Variants in PCDH15 observed in about 807,000 individuals in gnomAD.
PCDH15 encodes the protein protocadherin related 15.
PCDH15 carries 129 observed loss-of-function variants against 178.5 expected under a neutral mutation model. The ratio of observed to expected loss-of-function variants is 0.72; its 90% CI spans 0.63 to 0.84. The LOEUF (loss-of-function observed/expected upper bound fraction) is 0.84. Ranked by LOEUF, PCDH15 falls within the 40% of genes least tolerant of loss-of-function variation. PCDH15 has a pLI of 0.00. For missense variants in PCDH15, 2,230 were observed against 2,099.9 expected (o/e 1.06, Z -1.21); for synonymous variants, 800 against 732.0 (o/e 1.09, Z -1.50).
chr10:54,417,148 C>T (rs56284055), intron 3 of PCDH15, among the ~76,000 whole-genome samples: 5 of 152,054 alleles, frequency 3.3e-5, no homozygotes, highest in Admixed American at 6.6e-5. Flanking sequence ...CCTTAGTCTC[C>T]CAAGGTGCTG....
At chr10:54,149,557 T>C (rs1352701263) in intron 14 of PCDH15, among the ~76,000 whole-genome samples, 2 of 152,092 alleles carry the variant, frequency 1.3e-5, no homozygotes, top group African/African-American at 2.4e-5. Flanking sequence ...CAGAGTTGAG[T>C]AGGAGATGAA....
chr10:53,804,749 A>G lies in PCDH15; in HGVS notation c.*1830T>C, dbSNP rs114857010. 4.3e-4 allele frequency: 65 copies of G among 152,114 alleles called. No individual in the cohort carries two copies. Among genetic ancestry groups the G allele is most frequent in the African/African-American group, 1.3e-3 (55 of 41,544 alleles). 9.4% of individuals were successfully genotyped at this position (152,114 alleles called of 1,614,324 possible). A position where few individuals can be genotyped will look rare whatever the true frequency, so the allele number is the denominator to read the frequency against. On this transcript the variant is annotated 3_prime_UTR_variant, in exon 38 of 38. Transcript: ENST00000644397. ...CTAATTCCTATACAAAGTATCCTAT[A>G]CTAAAAACCATTGCTTTGGTGCCTG...
chr10:54,525,344 C>T (rs1158051691), intron 3 of PCDH15, among the ~76,000 whole-genome samples: 1 of 152,168 alleles, frequency 6.6e-6, no homozygotes, highest in East Asian at 1.9e-4. Flanking sequence ...AAAATGAGTG[C>T]TCATCATTCT....
At chr10:55,402,969 T>C (rs919345012) in intron 2 of PCDH15, among the ~76,000 whole-genome samples, 1 of 152,046 alleles carries the variant, frequency 6.6e-6, no homozygotes, top group Non-Finnish European at 1.5e-5. Context: ...CTCCACATCC[T>C]TGCCAGCGTT....
At chr10:54,661,303 A>G (rs1229353208) in intron 2 of PCDH15, among the ~76,000 whole-genome samples, 1 of 152,030 alleles carries the variant, frequency 6.6e-6, no homozygotes, top group Non-Finnish European at 1.5e-5. Flanking sequence ...TAATAGACAC[A>G]AAAAATAAAA....
chr10:54,764,898 T>G (rs1948326479), intron 1 of PCDH15, among the ~76,000 whole-genome samples: 1 of 152,152 alleles, frequency 6.6e-6, no homozygotes, highest in Non-Finnish European at 1.5e-5. Flanking sequence ...TCTTGCTTAT[T>G]TTTCATTAGA....
chr10:55,204,969 A>G (rs1591988109), intron 1 of PCDH15, among the ~76,000 whole-genome samples: 1 of 152,076 alleles, frequency 6.6e-6, no homozygotes, highest in African/African-American at 2.4e-5. Flanking sequence ...TAATGCCAAC[A>G]GATTTTTCTA....
chr10:55,105,560 A>T (rs1842655850), intron 2 of PCDH15, among the ~76,000 whole-genome samples: 1 of 152,174 alleles, frequency 6.6e-6, no homozygotes, highest in African/African-American at 2.4e-5. Context: ...ATTTAATATT[A>T]CAGGAGGAGG....
chr10:54,945,754 C>A (rs1838183245), intron 2 of PCDH15, among the ~76,000 whole-genome samples: 1 of 151,650 alleles, frequency 6.6e-6, no homozygotes, highest in Non-Finnish European at 1.5e-5. Flanking sequence ...AAGGCTCAAT[C>A]TTACCTCATC....
intron 1 of PCDH15, among the ~76,000 whole-genome samples, chr10:54,685,325 G>A (rs966855767): frequency 1.3e-5 from 2 of 152,126 alleles, no homozygotes; most frequent in African/African-American, 4.8e-5. Context: ...TTACAGTATT[G>A]TAAATACATA....
chr10:54,118,376 C>A (rs2095153022), intron 15 of PCDH15, among the ~76,000 whole-genome samples: 2 of 152,054 alleles, frequency 1.3e-5, no homozygotes, highest in South Asian at 4.1e-4. Flanking sequence ...AAAAAAGTAA[C>A]CCGGCTGGGT....
At chr10:53,903,674 G>A (rs144561427) in intron 25 of PCDH15, among the ~76,000 whole-genome samples, 1 of 152,092 alleles carries the variant, frequency 6.6e-6, no homozygotes, top group Admixed American at 6.5e-5. Flanking sequence ...TACTGTTCAC[G>A]TTCACAAACA....
At chr10:55,557,911 A>G (rs1842122497) in intron 2 of PCDH15, among the ~76,000 whole-genome samples, 1 of 152,142 alleles carries the variant, frequency 6.6e-6, no homozygotes. Context: ...GAGAAAGAGC[A>G]TTGGGGAAAA....
Position 53,806,601 on chromosome 10 carries a change from T to A in PCDH15, c.5201A>T (p.His1734Leu), listed in dbSNP as rs1208614328. Residue 1734 changes from histidine (H) to leucine (L), a missense_variant, in exon 38 of 38, where the codon CAT (histidine) becomes CTT (leucine). Physicochemically the swap from His to Leu is moderately conservative, Grantham distance 99. Coordinates refer to ENST00000644397, the MANE Select transcript of PCDH15 (RefSeq NM_001384140.1). ...TGGTCACAGTTTTGTCATTGGTATATGGAGGTTGTTCCAGGGGCCCATCCA... is the reference window on the plus strand; with the variant it reads ...TGGTCACAGTTTTGTCATTGGTATAAGGAGGTTGTTCCAGGGGCCCATCCA... Reference protein sequence around the residue: ...ELWMGPWNNLHIPMTKL With the variant: ...ELWMGPWNNLLIPMTKL The A allele has an allele frequency of 2.5e-6, 4 of 1,613,294 alleles. No individual in the cohort carries two copies. Among genetic ancestry groups the A allele is most frequent in the Non-Finnish European group, 3.4e-6 (4 of 1,179,528 alleles).
intron 8 of PCDH15, among the ~76,000 whole-genome samples, chr10:54,270,500 T>TG (rs1201696879): frequency 6.6e-6 from 1 of 152,100 alleles, no homozygotes; most frequent in African/African-American, 2.4e-5. Flanking sequence ...ATGGGTAAGT[T>TG]GGGGGTCAAA....
intron 1 of PCDH15, among the ~76,000 whole-genome samples, chr10:54,738,835 T>G (rs1458646230): frequency 6.6e-6 from 1 of 152,048 alleles, no homozygotes; most frequent in African/African-American, 2.4e-5. Context: ...CCAACTTTCC[T>G]TCTTTAAAAA....
intron 3 of PCDH15, among the ~76,000 whole-genome samples, chr10:54,409,850 TTGCCCTCTCACTATGTGC>T (rs1376494215): frequency 1.3e-5 from 2 of 152,098 alleles, no homozygotes; most frequent in South Asian, 2.1e-4. Context: ...TTGGGTGCTC[TTGCCCTCTCACTATGTGC>T]TGCCCTCTCA....
intron 15 of PCDH15, among the ~76,000 whole-genome samples, chr10:54,122,080 C>T (rs1456762903): frequency 6.6e-6 from 1 of 151,340 alleles, no homozygotes; most frequent in South Asian, 2.1e-4. Context: ...GCCCATGCCT[C>T]TGAAGAACAC....
intron 3 of PCDH15, among the ~76,000 whole-genome samples, chr10:54,464,822 A>G (rs1321748952): frequency 6.6e-6 from 1 of 152,172 alleles, no homozygotes; most frequent in East Asian, 1.9e-4. Flanking sequence ...GATTTAAAAG[A>G]CAGAATAATG....
Sources: gnomAD v4.1 joint callset for allele counts (sites outside exome capture counted in the v4.1 genomes callset) on GRCh38, gnomAD v4.1.1 for gene constraint, MANE v1.5 for transcripts, NCBI Gene and HGNC (gene_info 2026-07-23, HGNC 2026-07-21) for gene names.